Variants in ACO2 observed in about 807,000 individuals in gnomAD.
ACO2 encodes aconitate hydratase, mitochondrial.
In ACO2, 31 loss-of-function variants were observed where a neutral mutation model predicts 84.5. The ratio of observed to expected loss-of-function variants is 0.37; its 90% CI spans 0.28 to 0.50. The LOEUF is 0.50. Among genes scored for constraint, ACO2 ranks in the 20% least tolerant of loss-of-function variants. The pLI is 0.97. For missense variants in ACO2, 685 were observed against 1,029.3 expected (o/e 0.67, Z 4.58); for synonymous variants, 414 against 412.7 (o/e 1.00, Z -0.04).
intron 11 of ACO2, 21 bp downstream of exon 11, chr22:41,523,299 CAA>C: frequency 1.9e-6 from 3 of 1,583,104 alleles, no homozygotes; most frequent in Non-Finnish European, 2.6e-6. Context: ...TATCTTTTGA[CAA>C]GACAGCCCCT....
At chr22:41,520,019 C>A in intron 8 of ACO2, 152 bp from the exon 9 acceptor site, 2 of 645,386 alleles carry the variant, frequency 3.1e-6, no homozygotes, top group Non-Finnish European at 2.7e-6. Flanking sequence ...TGTGCAGAGC[C>A]AACTGCTCAG....
At chr22:41,513,304 C>T (rs2066449905) in intron 4 of ACO2, among the ~76,000 whole-genome samples, 2 of 151,868 alleles carry the variant, frequency 1.3e-5, no homozygotes, top group South Asian at 4.1e-4. Context: ...CATCTGCCAC[C>T]GGCTAGCTGC....
At position 41,515,250 on chromosome 22, in the gene ACO2, G is replaced by T. The variant is rs1180125893; in HGVS notation, c.526-127G>T. The T allele has an allele frequency of 7.0e-6, 8 of 1,137,164 alleles. No homozygotes were observed. The highest frequency in any genetic ancestry group is 1.5e-5 in the African/African-American group (1 of 65,218). The allele number at this position is 1,137,164 out of a possible 1,614,324, so 70.4% of individuals were successfully genotyped here. A position where few individuals can be genotyped will look rare whatever the true frequency, so the allele number is the denominator to read the frequency against. Reference sequence around the variant, plus strand: ...CTGGAGACGGCCTGGATTAAATGGGGCTGCTCCTACCAGTTCCATCCTGGG... The same window carrying T: ...CTGGAGACGGCCTGGATTAAATGGGTCTGCTCCTACCAGTTCCATCCTGGG... On this transcript the variant is annotated intron_variant, in intron 4 of 17. Coordinates refer to ENST00000216254, the MANE Select transcript of ACO2 (RefSeq NM_001098.3). The surrounding 1 kb of genome is among the most constrained non-coding windows in gnomAD (Gnocchi z 5.8).
intron 1 of ACO2, chr22:41,469,383 C>T (rs768169063): frequency 1.5e-5 from 8 of 522,330 alleles, no homozygotes; most frequent in Non-Finnish European, 1.6e-5. Context: ...CTTTCCTGGC[C>T]CTGTCCCTGC....
At chr22:41,490,043 C>G (rs2066260700) in intron 1 of ACO2, among the ~76,000 whole-genome samples, 2 of 152,122 alleles carry the variant, frequency 1.3e-5, no homozygotes, top group African/African-American at 4.8e-5. Context: ...AAGTTACAGG[C>G]CGGGCACGGT....
rs141146020 is a variant in ACO2, at chr22:41,496,413, C to T, written c.37-3313C>T. 1.2e-3 allele frequency among the ~76,000 whole-genome samples: 185 copies of T among 152,160 alleles called. 1 individual carries two copies. The highest frequency in any genetic ancestry group is 4.2e-3 in the African/African-American group (174 of 41,506). On this transcript the variant is annotated intron_variant, in intron 1 of 17. Transcript: ENST00000216254. ...GGGTAGCTGTGTGTACACTTAGGAA[C>T]GCACAGGGTAATAATCATGGAAACG...
At position 41,515,801 on chromosome 22, in the gene ACO2, G is replaced by A. The variant is rs141878785; in HGVS notation, c.719G>A (p.Gly240Asp). The change falls in exon 6 of 18, where the codon GGT becomes GAT. Residue 240 changes from glycine to aspartate, a missense_variant. By Grantham distance (94) the Gly-to-Asp change is moderately conservative. Around this residue, in one of 5 missense-constraint regions of ACO2, gnomAD observed 311 missense variants for 441.6 expected, o/e 0.70. Coordinates refer to ENST00000216254, the MANE Select transcript of ACO2 (RefSeq NM_001098.3). This position sits in a 1 kb window ranked among gnomAD's most constrained non-coding sequence, Gnocchi z 5.8. ...IGVKLTGSLS[G>D]WSSPKDVILK... ...GTGAAGCTGACGGGCTCTCTCTCCG[G>A]TTGGTCCTCACCCAAAGATGTGATC... The A allele has an allele frequency of 1.9e-6, 3 of 1,613,996 alleles. No homozygotes were observed. The African/African-American group carries it at 4.0e-5, about 22-fold the overall frequency.
intron 2 of ACO2, among the ~76,000 whole-genome samples, chr22:41,503,619 A>C (rs1480268743): frequency 4.6e-5 from 7 of 152,088 alleles, no homozygotes; most frequent in Non-Finnish European, 1.0e-4. Flanking sequence ...GTGAGCCACC[A>C]CACCTGGTCT....
chr22:41,495,994 C>T (rs1342086309), intron 1 of ACO2, among the ~76,000 whole-genome samples: 2 of 151,826 alleles, frequency 1.3e-5, no homozygotes, highest in East Asian at 3.9e-4. Context: ...GGAAAGCTGT[C>T]TGAGATTTGT....
intron 1 of ACO2, among the ~76,000 whole-genome samples, chr22:41,495,199 G>A (rs946240559): frequency 6.6e-6 from 1 of 151,932 alleles, no homozygotes; most frequent in Non-Finnish European, 1.5e-5. Context: ...GCTAATTTAT[G>A]TTTTATTTTA....
At chr22:41,487,110 C>T (rs1163801579) in intron 1 of ACO2, among the ~76,000 whole-genome samples, 3 of 152,160 alleles carry the variant, frequency 2.0e-5, no homozygotes, top group African/African-American at 4.8e-5. Context: ...TCTCGAACTC[C>T]TGTCCTCAGG....
intron 1 of ACO2, among the ~76,000 whole-genome samples, chr22:41,482,741 C>A (rs1479144781): frequency 1.3e-5 from 2 of 152,186 alleles, no homozygotes; most frequent in East Asian, 3.9e-4. Context: ...TAGGTTCTCT[C>A]CTTTCATCCT....
At chr22:41,528,418 C>T (rs1024445639) in intron 17 of ACO2, 61 bp from the exon 18 acceptor site, 44 of 1,586,066 alleles carry the variant, frequency 2.8e-5, no homozygotes, top group Non-Finnish European at 3.6e-5. Context: ...CCTGACCCCC[C>T]TGCGGGGCCA....
At position 41,528,871 on chromosome 22, in the gene ACO2, A is replaced by C; in HGVS notation, c.*258A>C. ...TGCAACTGTATTTATTTTTGATGAC[A>C]AGACTCCCATCTAAAGTTTTTCTCC... On this transcript the variant is annotated 3_prime_UTR_variant, in exon 18 of 18. Coordinates refer to ENST00000216254, the MANE Select transcript of ACO2 (RefSeq NM_001098.3). The C allele has an allele frequency of 1.9e-6, 1 of 529,132 alleles. No individual in the cohort carries two copies. Among genetic ancestry groups the C allele is most frequent in the South Asian group, 2.6e-5 (1 of 38,336 alleles). The allele number at this position is 529,132 out of a possible 1,614,324, so 32.8% of individuals were successfully genotyped here. A position where few individuals can be genotyped will look rare whatever the true frequency, so the allele number is the denominator to read the frequency against.
intron 16 of ACO2, 49 bp downstream of exon 16, chr22:41,527,469 C>T (rs1390950747): frequency 6.4e-7 from 1 of 1,563,026 alleles, no homozygotes. Context: ...CCCTAGTGAT[C>T]AAGGTCACTC....
chr22:41,510,332 G>A (rs567211688), intron 3 of ACO2, among the ~76,000 whole-genome samples: 5 of 152,062 alleles, frequency 3.3e-5, no homozygotes, highest in Non-Finnish European at 7.4e-5. Flanking sequence ...GCCCAGACAC[G>A]ACCACAGCCT....
At chr22:41,519,401 GTAAC>G (rs1264703505) in intron 8 of ACO2, among the ~76,000 whole-genome samples, 6 of 152,224 alleles carry the variant, frequency 3.9e-5, no homozygotes, top group African/African-American at 1.4e-4. Flanking sequence ...ATGAATTCAT[GTAAC>G]TAACACTGAC....
At position 41,518,771 on chromosome 22, in the gene ACO2, TA is replaced by T. The variant is rs760530687; in HGVS notation, c.1032+216del. On this transcript the variant is annotated intron_variant, in intron 8 of 17. Coordinates refer to ENST00000216254, the MANE Select transcript of ACO2 (RefSeq NM_001098.3). ...CAACATAGTGAAACCCCGTCTCTAC[TA>T]AAAAAAAAAAAAAAAATACAAAAAT... is the stretch of plus-strand genomic sequence containing the variant. 0.022 allele frequency among the ~76,000 whole-genome samples: 2,786 copies of T among 124,704 alleles called. 38 individuals are homozygous for T. Among genetic ancestry groups the T allele is most frequent in the African/African-American group, 0.052 (1,786 of 34,374 alleles). The allele number at this position is 124,704 out of a possible 152,430, so 81.8% of individuals were successfully genotyped here. A position where few individuals can be genotyped will look rare whatever the true frequency, so the allele number is the denominator to read the frequency against.
rs916209384 is a variant in ACO2, at chr22:41,514,159, T to A, written c.526-1218T>A. 3.3e-5 allele frequency among the ~76,000 whole-genome samples: 5 copies of A among 152,180 alleles called. No homozygotes were observed. In the South Asian group the frequency reaches 1.0e-3, roughly 32 times the overall value. Reference sequence around the variant, plus strand: ...ACCTTAGAGTCTGCTAGGCAGATGCTTGTCCTGAGGCAGAGGCCCTGGGGT... The same window carrying A: ...ACCTTAGAGTCTGCTAGGCAGATGCATGTCCTGAGGCAGAGGCCCTGGGGT... On this transcript the variant is annotated intron_variant, in intron 4 of 17. Coordinates refer to ENST00000216254, the MANE Select transcript of ACO2 (RefSeq NM_001098.3).
Sources: allele counts gnomAD v4.1 joint callset (sites outside exome capture counted in the v4.1 genomes callset), GRCh38; gene constraint gnomAD v4.1.1; regional missense constraint gnomAD v4.1.1; non-coding constraint Gnocchi (gnomAD v3.1); transcripts MANE v1.5; gene names NCBI Gene and HGNC (gene_info 2026-07-23, HGNC 2026-07-21).